The following PDE9A variants were observed in gnomAD, a reference collection of about 807,000 sequenced individuals.
PDE9A encodes phosphodiesterase 9A, also known as high affinity cGMP-specific 3',5'-cyclic phosphodiesterase 9A.
PDE9A carries 60 observed loss-of-function variants against 87.4 expected under a neutral mutation model. The ratio of observed to expected loss-of-function variants is 0.69; its 90% CI spans 0.56 to 0.85. PDE9A has a LOEUF of 0.85. PDE9A is among the 40% of genes least tolerant of loss of function. The probability of loss-of-function intolerance (pLI) is 0.00; values close to 1 mark genes in which losing one functional copy is unlikely to be tolerated. For synonymous variants in PDE9A, 272 were observed against 279.4 expected, an observed-to-expected ratio of 0.97 and a Z score of 0.27; for missense variants, 665 against 779.0, an observed-to-expected ratio of 0.85 and a Z score of 1.74.
In PDE9A at chr21:42,694,927, GCACTCCCCT is replaced by G. The variant is rs1204904441; in HGVS notation, c.219-4040_219-4032del. ...ATGAATGCCCACCCCAGCCCAGCGG[GCACTCCCCT>G]TCTGCAAACCTCCAAGCACATTCCC... On this transcript the variant is annotated intron_variant, in intron 3 of 19. Transcript: ENST00000291539. This position sits in a 1 kb window ranked among gnomAD's most constrained non-coding sequence, Gnocchi z 5.3. 2.0e-5 allele frequency among the ~76,000 whole-genome samples: 3 copies of G among 152,074 alleles called. No homozygotes were observed. Among genetic ancestry groups the G allele is most frequent in the African/African-American group, 7.2e-5 (3 of 41,410 alleles).
intron 1 of PDE9A, among the ~76,000 whole-genome samples, chr21:42,684,416 G>A (rs1361569773): frequency 2.6e-5 from 4 of 152,206 alleles, no homozygotes; most frequent in South Asian, 2.1e-4. Context: ...GCTCTGCCAC[G>A]CCACAACTCC....
At chr21:42,668,482 G>A (rs2058160798) in intron 1 of PDE9A, among the ~76,000 whole-genome samples, 1 of 152,204 alleles carries the variant, frequency 6.6e-6, no homozygotes, top group Admixed American at 6.5e-5. Flanking sequence ...GATTGCAACT[G>A]GCGAGAGGCC....
At chr21:42,663,384 CCTGGG>C (rs1422608407) in intron 1 of PDE9A, among the ~76,000 whole-genome samples, 4 of 152,192 alleles carry the variant, frequency 2.6e-5, no homozygotes, top group African/African-American at 9.6e-5. Flanking sequence ...CAGCAGAGCC[CCTGGG>C]GGTTTCAGGA....
rs753448035 is a variant in PDE9A at position 42,740,750 on chromosome 21, AAACAG to A, written c.569-3025_569-3021del. The stretch of plus-strand genomic sequence containing the variant: ...TAGATAGATAGATAGATAGATAGAT[AAACAG>A]GATAGATAGATAGATAGATAGATAG... On this transcript the variant is annotated intron_variant, in intron 7 of 19. Transcript: ENST00000291539. Among the ~76,000 whole-genome samples, 661 of 123,426 alleles carry A rather than the reference AAACAG, an allele frequency of 5.4e-3. 3 individuals carry two copies. Among genetic ancestry groups the A allele is most frequent in the African/African-American group, 0.014 (467 of 33,444 alleles). 81.0% of individuals were successfully genotyped at this position (123,426 alleles called of 152,430 possible). A position where few individuals can be genotyped will look rare whatever the true frequency, so the allele number is the denominator to read the frequency against.
chr21:42,766,560 T>C (rs978619024), intron 15 of PDE9A, among the ~76,000 whole-genome samples: 3 of 152,110 alleles, frequency 2.0e-5, no homozygotes, highest in South Asian at 2.1e-4. Context: ...GTAGAGTCAT[T>C]AGGACTCATC....
intron 18 of PDE9A, among the ~76,000 whole-genome samples, chr21:42,772,094 T>G (rs1250446699): frequency 6.7e-6 from 1 of 148,816 alleles, no homozygotes; most frequent in Non-Finnish European, 1.5e-5. Flanking sequence ...GGCCTCTGCC[T>G]TCCCCCCTGT....
rs1453662252 is a variant in PDE9A, at chr21:42,702,096, A to T, written c.262+3085A>T. ...TCTCCTTTCCCCTGGGACCCTAACT[A>T]CCTGAATGATAGACAGCCTGAGAGC... On this transcript the variant is annotated intron_variant, in intron 4 of 19. Coordinates refer to ENST00000291539, the MANE Select transcript of PDE9A (RefSeq NM_002606.3). This position sits in a 1 kb window ranked among gnomAD's most constrained non-coding sequence, Gnocchi z 4.9. Among the ~76,000 whole-genome samples, 2 of 151,922 alleles carry T rather than the reference A, an allele frequency of 1.3e-5. No homozygotes were observed. The highest frequency in any genetic ancestry group is 2.4e-5 in the African/African-American group (1 of 41,336).
At chr21:42,754,742 C>T (rs997803104) in intron 10 of PDE9A, among the ~76,000 whole-genome samples, 7 of 152,286 alleles carry the variant, frequency 4.6e-5, no homozygotes, top group Non-Finnish European at 8.8e-5. Flanking sequence ...GTAAGTCTCA[C>T]GAGATCTGAT....
chr21:42,688,885 G>A (rs1274546658), intron 3 of PDE9A, among the ~76,000 whole-genome samples: 1 of 152,246 alleles, frequency 6.6e-6, no homozygotes, highest in East Asian at 1.9e-4. Context: ...GTGTCAGTGA[G>A]GTCCCAGTGG....
chr21:42,760,756 AC>A lies in PDE9A; in HGVS notation c.1003-62del, dbSNP rs34765923. 127,728 of 803,168 alleles carry A rather than the reference AC, an allele frequency of 0.16. 12,131 individuals are homozygous for A. Among genetic ancestry groups the A allele is most frequent in the Admixed American group, 0.33 (18,550 of 55,766 alleles). 49.8% of individuals were successfully genotyped at this position (803,168 alleles called of 1,614,324 possible). On this transcript the variant is annotated intron_variant, in intron 12 of 19. Coordinates refer to ENST00000291539, the MANE Select transcript of PDE9A (RefSeq NM_002606.3). The surrounding 1 kb of genome is among the most constrained non-coding windows in gnomAD (Gnocchi z 5.2). Reference sequence around the variant, plus strand: ...CCCCGCTTACCACTCACCCAATTCCACCCCCCCTCACCCCATCCCACCCTCC... The same window carrying A: ...CCCCGCTTACCACTCACCCAATTCCACCCCCCTCACCCCATCCCACCCTCC...
intron 14 of PDE9A, among the ~76,000 whole-genome samples, chr21:42,764,102 G>A (rs1301040623): frequency 6.6e-6 from 1 of 152,236 alleles, no homozygotes; most frequent in Non-Finnish European, 1.5e-5. Flanking sequence ...GAAATGAGCA[G>A]GAGAACAGAT....
intron 1 of PDE9A, among the ~76,000 whole-genome samples, chr21:42,661,886 A>G (rs2145833538): frequency 6.6e-6 from 1 of 152,290 alleles, no homozygotes; most frequent in South Asian, 2.1e-4. Flanking sequence ...GGGGCTGCCC[A>G]GGGAAGACAG....
chr21:42,668,402 G>A (rs1288363155), intron 1 of PDE9A, among the ~76,000 whole-genome samples: 1 of 152,206 alleles, frequency 6.6e-6, no homozygotes, highest in Non-Finnish European at 1.5e-5. Context: ...CAGAGAGGGG[G>A]TGGCGGAAGG....
intron 4 of PDE9A, among the ~76,000 whole-genome samples, chr21:42,714,778 T>C (rs113101280): frequency 3.3e-4 from 42 of 125,684 alleles, no homozygotes; most frequent in Non-Finnish European, 4.2e-4. Flanking sequence ...CAGTCTTTGT[T>C]GATATGGTTG....
intron 18 of PDE9A, among the ~76,000 whole-genome samples, chr21:42,771,251 G>A (rs998511732): frequency 8.5e-5 from 13 of 152,206 alleles, no homozygotes; most frequent in Admixed American, 3.9e-4. Context: ...GCCAGCTCCC[G>A]GGCCCAGAAC....
chr21:42,706,006 G>A (rs2839575), intron 4 of PDE9A, among the ~76,000 whole-genome samples: 42,943 of 152,182 alleles, frequency 0.28, 6,294 homozygotes, highest in East Asian at 0.51. Flanking sequence ...ATAAGGAGGC[G>A]CATCCGCAGA....
chr21:42,738,015 A>C (rs2052652345), intron 7 of PDE9A, among the ~76,000 whole-genome samples: 1 of 152,198 alleles, frequency 6.6e-6, no homozygotes, highest in Non-Finnish European at 1.5e-5. Context: ...TTGTAAACAG[A>C]ACACCCAGGC....
chr21:42,772,885 C>T (rs1343413466), intron 19 of PDE9A, among the ~76,000 whole-genome samples: 4 of 151,528 alleles, frequency 2.6e-5, no homozygotes, highest in South Asian at 2.1e-4. Flanking sequence ...CCACCCACCT[C>T]GGCCTCCCAA....
At position 42,692,220 on chromosome 21, in the gene PDE9A, G is replaced by A. The variant is rs749006071; in HGVS notation, c.218+4226G>A. Among the ~76,000 whole-genome samples the A allele has an allele frequency of 4.6e-5, 7 of 152,210 alleles. No individual in the cohort carries two copies. Among genetic ancestry groups the A allele is most frequent in the African/African-American group, 1.4e-4 (6 of 41,440 alleles). ...CGGAGTGAACCAGTCCAGCTCGTGC[G>A]TGCCTCCCCCTCTGCACTGCCCAGA... On this transcript the variant is annotated intron_variant, in intron 3 of 19. Coordinates refer to ENST00000291539, the MANE Select transcript of PDE9A (RefSeq NM_002606.3). This position sits in a 1 kb window ranked among gnomAD's most constrained non-coding sequence, Gnocchi z 4.3.
Sources: allele counts gnomAD v4.1 joint callset (sites outside exome capture counted in the v4.1 genomes callset), GRCh38; gene constraint gnomAD v4.1.1; non-coding constraint Gnocchi (gnomAD v3.1); transcripts MANE v1.5; gene names NCBI Gene and HGNC (gene_info 2026-07-23, HGNC 2026-07-21).